Variants in NBEA observed in about 807,000 individuals in gnomAD.
The protein encoded by NBEA is neurobeachin, also known as lysosomal-trafficking regulator 2.
Under a neutral mutation model 343.4 loss-of-function variants are expected in NBEA, and 44 were observed. The observed-to-expected ratio is 0.13, with a 90% confidence interval of 0.10 to 0.16. NBEA has a LOEUF of 0.16. Ranked by LOEUF, NBEA falls within the 10% of genes least tolerant of loss-of-function variation. NBEA has a pLI of 1.00. For missense variants in NBEA, 2,555 were observed against 3,631.3 expected (o/e 0.70, Z 7.62); for synonymous variants, 1,175 against 1,238.7 (o/e 0.95, Z 1.08).
intron 34 of NBEA, among the ~76,000 whole-genome samples, chr13:35,267,816 A>G (rs1227616178): frequency 1.3e-5 from 2 of 151,380 alleles, no homozygotes; most frequent in African/African-American, 2.4e-5. Flanking sequence ...CACCATTAGG[A>G]TGGGTACTAT....
At chr13:35,605,555 G>C (rs1287066337) in intron 47 of NBEA, among the ~76,000 whole-genome samples, 1 of 151,980 alleles carries the variant, frequency 6.6e-6, no homozygotes, top group African/African-American at 2.4e-5. Context: ...CTTGATATTT[G>C]AAAAAAGATG....
intron 34 of NBEA, among the ~76,000 whole-genome samples, chr13:35,278,653 A>G (rs2034819498): frequency 6.6e-6 from 1 of 152,198 alleles, no homozygotes; most frequent in Non-Finnish European, 1.5e-5. Context: ...ATATCATTTC[A>G]TTTCTGCTAT....
intron 38 of NBEA, among the ~76,000 whole-genome samples, chr13:35,362,025 T>A (rs2040835427): frequency 6.6e-6 from 1 of 151,966 alleles, no homozygotes; most frequent in African/African-American, 2.4e-5. Flanking sequence ...AGTCAGAATG[T>A]GAATTTTACT....
intron 41 of NBEA, among the ~76,000 whole-genome samples, chr13:35,546,558 T>A (rs1392418613): frequency 3.3e-5 from 5 of 151,390 alleles, no homozygotes; most frequent in Admixed American, 6.6e-5. Context: ...ATTATTAATT[T>A]TTTTTTTTTT....
intron 30 of NBEA, among the ~76,000 whole-genome samples, chr13:35,189,013 G>A (rs1161127021): frequency 1.4e-5 from 2 of 144,556 alleles, no homozygotes; most frequent in Non-Finnish European, 3.0e-5. Flanking sequence ...TCCACCTCCC[G>A]GGTTCAAGTG....
Position 35,290,390 on chromosome 13 carries a change from C to G in NBEA, c.5778C>G (p.Gly1926=). 5 of 1,600,406 alleles carry G rather than the reference C, an allele frequency of 3.1e-6. No homozygotes were observed. Among genetic ancestry groups the G allele is most frequent in the Non-Finnish European group, 4.3e-6 (5 of 1,169,966 alleles). The change falls in exon 35 of 59, where the codon GGC becomes GGG. Residue 1926 remains glycine, a splice_region_variant and synonymous_variant. Transcript: ENST00000379939. ...GSHGQELLIE[G]LVCMKSSTSV... is the part of the protein sequence containing the mutation. ...TGTTTTAACCTTTCTTTGTTGTAGG[C>G]CTTGTTTGTATGAAGTCCAGCACAT...
rs566704088 is a variant in NBEA at position 35,570,197 on chromosome 13, C to T, written c.7035+3180C>T. Among the ~76,000 whole-genome samples, 14 of 152,252 alleles carry T rather than the reference C, an allele frequency of 9.2e-5. No homozygotes were observed. In the South Asian group the frequency reaches 2.9e-3, roughly 32 times the overall value. The stretch of plus-strand genomic sequence containing the variant: ...TACAAGCTCCCACCACCAAACCTGG[C>T]TAATTTTTTTGTATTTTTAGTAGAG... On this transcript the variant is annotated intron_variant, in intron 45 of 58. Transcript: ENST00000379939.
At chr13:35,471,542 C>T (rs564170482) in intron 40 of NBEA, among the ~76,000 whole-genome samples, 1 of 152,256 alleles carries the variant, frequency 6.6e-6, no homozygotes, top group East Asian at 1.9e-4. Flanking sequence ...TTTGGGGAGA[C>T]TTTACAGAAA....
intron 48 of NBEA, among the ~76,000 whole-genome samples, chr13:35,622,871 T>G (rs2083055701): frequency 6.6e-6 from 1 of 152,298 alleles, no homozygotes; most frequent in African/African-American, 2.4e-5. Flanking sequence ...TAGTCTACTT[T>G]CTTTTTTTTC....
At chr13:35,143,899 AAAAC>A in intron 18 of NBEA, among the ~76,000 whole-genome samples, 1 of 148,810 alleles carries the variant, frequency 6.7e-6, no homozygotes, top group South Asian at 2.1e-4. Context: ...TTCAAAAAAA[AAAAC>A]AAAAAAAAAA....
intron 38 of NBEA, among the ~76,000 whole-genome samples, chr13:35,408,710 A>T (rs1246329837): frequency 6.6e-6 from 1 of 152,206 alleles, no homozygotes; most frequent in African/African-American, 2.4e-5. Flanking sequence ...CACTTTTCAA[A>T]AGAAGACATA....
intron 35 of NBEA, among the ~76,000 whole-genome samples, chr13:35,290,681 T>C (rs1477779446): frequency 1.9e-4 from 28 of 150,746 alleles, no homozygotes; most frequent in East Asian, 1.9e-4. Context: ...TTAGCAGTAT[T>C]ATTCTCCTAC....
chr13:35,281,911 G>GTTAT (rs938545745), intron 34 of NBEA, among the ~76,000 whole-genome samples: 59 of 151,744 alleles, frequency 3.9e-4, no homozygotes, highest in African/African-American at 1.0e-3. Context: ...TATAAATTAT[G>GTTAT]TTATTTATTT....
intron 10 of NBEA, among the ~76,000 whole-genome samples, chr13:35,080,490 T>G (rs1363846839): frequency 6.6e-6 from 1 of 152,172 alleles, no homozygotes; most frequent in Non-Finnish European, 1.5e-5. Flanking sequence ...TTTCTAGATA[T>G]TCTTTATCAG....
At chr13:35,304,795 C>T (rs561046291) in intron 35 of NBEA, among the ~76,000 whole-genome samples, 4 of 152,146 alleles carry the variant, frequency 2.6e-5, no homozygotes, top group East Asian at 3.9e-4. Context: ...TTTAAAGGCA[C>T]ATAACCAACA....
intron 8 of NBEA, among the ~76,000 whole-genome samples, chr13:35,069,557 A>G (rs1039260419): frequency 6.6e-6 from 1 of 152,276 alleles, no homozygotes; most frequent in South Asian, 2.1e-4. Context: ...ATTTACACAA[A>G]TACTTTTTAA....
At chr13:35,417,490 T>G (rs180827149) in intron 38 of NBEA, among the ~76,000 whole-genome samples, 1 of 152,326 alleles carries the variant, frequency 6.6e-6, no homozygotes, top group East Asian at 1.9e-4. Context: ...CATTTTGTTA[T>G]GTACCCAGTA....
In NBEA at chr13:35,159,545, A is replaced by G. The variant is rs2069408660; in HGVS notation, c.3374A>G (p.Asp1125Gly). 6.2e-7 allele frequency: 1 copy of G among 1,612,696 alleles called. No homozygotes were observed. Among genetic ancestry groups the G allele is most frequent in the African/African-American group, 1.3e-5 (1 of 74,840 alleles). The change falls in exon 22 of 59, where the codon GAT becomes GGT. Residue 1125 changes from aspartate to glycine, a missense_variant. Transcript: ENST00000379939. ...VGIIKKNEEK[D>G]NGPLITLADE... ...ATCATTAAAAAAAATGAAGAAAAGG[A>G]TAATGGTCCATTGATAACATTAGCA...
chr13:34,993,768 A>C (rs992535944), intron 1 of NBEA, among the ~76,000 whole-genome samples: 1 of 152,242 alleles, frequency 6.6e-6, no homozygotes, highest in Non-Finnish European at 1.5e-5. Flanking sequence ...TTAGTCTGTT[A>C]CAAAAATTTT....
Sources: gnomAD v4.1 joint callset for allele counts (sites outside exome capture counted in the v4.1 genomes callset) on GRCh38, gnomAD v4.1.1 for gene constraint, MANE v1.5 for transcripts, NCBI Gene and HGNC (gene_info 2026-07-23, HGNC 2026-07-21) for gene names.